Variants in ZNF26 observed in about 807,000 individuals in gnomAD.
ZNF26 encodes zinc finger protein 26.
Under a neutral mutation model 54.9 loss-of-function variants are expected in ZNF26, and 32 were observed. That is an observed-to-expected ratio of 0.58 (90% confidence interval 0.44 to 0.78). The LOEUF (loss-of-function observed/expected upper bound fraction) is 0.78, where lower values mean the gene tolerates loss of function less well. Ranked by LOEUF, ZNF26 falls within the 30% of genes least tolerant of loss-of-function variation. ZNF26 has a pLI of 0.00. For missense variants in ZNF26, 524 were observed against 634.0 expected (o/e 0.83, Z 1.86); for synonymous variants, 221 against 209.2 (o/e 1.06, Z -0.49).
In ZNF26 at chr12:133,016,757, G is replaced by C. The variant is rs1275932620; in HGVS notation, c.*5276G>C. On this transcript the variant is annotated 3_prime_UTR_variant, in exon 4 of 4. Transcript: ENST00000328654. ...ATTTGTACCACTGCACTCCAGCCTG[G>C]GTGACAGAGCAAGACCTTGACTCAA... The C allele has an allele frequency of 6.6e-6, 1 of 152,312 alleles. No individual in the cohort carries two copies. Among genetic ancestry groups the C allele is most frequent in the Non-Finnish European group, 1.5e-5 (1 of 68,632 alleles). The allele number at this position is 152,312 out of a possible 1,614,324, so 9.4% of individuals were successfully genotyped here.
chr12:133,001,042 A>T lies in ZNF26; in HGVS notation c.34-6000A>T, dbSNP rs1483189620. On this transcript the variant is annotated intron_variant, in intron 1 of 3. Coordinates refer to ENST00000328654, the MANE Select transcript of ZNF26 (RefSeq NM_019591.4). This position sits in a 1 kb window ranked among gnomAD's most constrained non-coding sequence, Gnocchi z 4.7. Reference sequence around the variant, plus strand: ...GTTTCGTCTTCTGCTGTCGACCTCCAGCTTCTAATATGGTCACATCGAAGT... The same window carrying T: ...GTTTCGTCTTCTGCTGTCGACCTCCTGCTTCTAATATGGTCACATCGAAGT... Among the ~76,000 whole-genome samples the T allele has an allele frequency of 1.6e-4, 25 of 152,020 alleles. No individual in the cohort carries two copies. The highest frequency in any genetic ancestry group is 1.6e-3 in the Admixed American group (25 of 15,254).
chr12:133,016,780 CA>C lies in ZNF26; in HGVS notation c.*5314del, dbSNP rs1169141231. 469 of 127,592 alleles carry C rather than the reference CA, an allele frequency of 3.7e-3. 1 individual carries two copies. Among genetic ancestry groups the C allele is most frequent in the Middle Eastern group, 7.8e-3 (2 of 256 alleles). The allele number at this position is 127,592 out of a possible 1,614,324, so 7.9% of individuals were successfully genotyped here. On this transcript the variant is annotated 3_prime_UTR_variant, in exon 4 of 4. Transcript: ENST00000328654. ...TGGGTGACAGAGCAAGACCTTGACT[CA>C]AAAAAAAAAAAAAATTCTACTCTCT...
Position 133,011,577 on chromosome 12 carries a change from T to C in ZNF26, c.*96T>C, listed in dbSNP as rs1023580748. The C allele has an allele frequency of 2.2e-5, 29 of 1,313,708 alleles. No individual in the cohort carries two copies. Among genetic ancestry groups the C allele is most frequent in the Admixed American group, 2.9e-5 (1 of 35,064 alleles). The allele number at this position is 1,313,708 out of a possible 1,614,324, so 81.4% of individuals were successfully genotyped here. ...GCAGGAGGCCCTAAAATTACACTCA[T>C]GTCAAAAATCAGAGAGGAGAGAGAC... is the stretch of plus-strand genomic sequence containing the variant. On this transcript the variant is annotated 3_prime_UTR_variant, in exon 4 of 4. Transcript: ENST00000328654.
rs1953527624 is a variant in ZNF26, at chr12:133,013,852, AG to A, written c.*2372del. On this transcript the variant is annotated 3_prime_UTR_variant, in exon 4 of 4. Coordinates refer to ENST00000328654, the MANE Select transcript of ZNF26 (RefSeq NM_019591.4). ...GATGCTTCATTTAAGGCTATAGAGT[AG>A]ATGTTGGCAATATATAAAATTCAAA... 2 of 153,226 alleles carry A rather than the reference AG, an allele frequency of 1.3e-5. No homozygotes were observed. Among genetic ancestry groups the A allele is most frequent in the African/African-American group, 4.8e-5 (2 of 41,598 alleles). The allele number at this position is 153,226 out of a possible 1,614,324, so 9.5% of individuals were successfully genotyped here.
rs1953528743 is a variant in ZNF26 at position 133,014,034 on chromosome 12, A to T, written c.*2553A>T. On this transcript the variant is annotated 3_prime_UTR_variant, in exon 4 of 4. Coordinates refer to ENST00000328654, the MANE Select transcript of ZNF26 (RefSeq NM_019591.4). ...TAGAACCCCTTCCCTTTTCTGGGAA[A>T]ATGTGGAATTTGCCTTGCAGGAGGA... The T allele has an allele frequency of 6.6e-6, 1 of 152,208 alleles. No individual in the cohort carries two copies. The highest frequency in any genetic ancestry group is 2.4e-5 in the African/African-American group (1 of 41,454). 9.4% of individuals were successfully genotyped at this position (152,208 alleles called of 1,614,324 possible).
chr12:132,987,627 C>T (rs1365065779), intron 1 of ZNF26: 15 of 872,724 alleles, frequency 1.7e-5, no homozygotes, highest in Non-Finnish European at 2.1e-5. Context: ...CTGGGAATGA[C>T]TTTCGCAGGT....
chr12:132,990,438 T>G (rs908764620), intron 1 of ZNF26, among the ~76,000 whole-genome samples: 1 of 152,342 alleles, frequency 6.6e-6, no homozygotes, highest in Non-Finnish European at 1.5e-5. Flanking sequence ...TATACATTGT[T>G]GTATTTTATT....
intron 1 of ZNF26, chr12:133,006,840 G>A (rs1953341385): frequency 2.6e-5 from 15 of 572,456 alleles, no homozygotes; most frequent in East Asian, 3.1e-5. Context: ...TGATCCACCC[G>A]CCTTGGCCTC....
At chr12:133,006,752 G>A (rs954881518) in intron 1 of ZNF26, 6 of 277,960 alleles carry the variant, frequency 2.2e-5, no homozygotes, top group Admixed American at 9.4e-5. Flanking sequence ...CTGCCACTGC[G>A]CCCAGCTAAT....
Position 133,010,511 on chromosome 12 carries a change from T to G in ZNF26, c.632T>G (p.Phe211Cys). The change falls in exon 4 of 4, where the codon TTC becomes TGC. Residue 211 changes from phenylalanine (F) to cysteine (C), a missense_variant. Physicochemically the swap from Phe to Cys is radical, Grantham distance 205. Coordinates refer to ENST00000328654, the MANE Select transcript of ZNF26 (RefSeq NM_019591.4). ...GAATGCAGTAAATGTGAAAGAGCCT[T>G]CAGTGCCAAGTCAAACCTTAATGCT... ...PYECSKCERA[F>C]SAKSNLNAHQ... The G allele has an allele frequency of 6.2e-7, 1 of 1,614,024 alleles. No individual in the cohort carries two copies. Among genetic ancestry groups the G allele is most frequent in the Non-Finnish European group, 8.5e-7 (1 of 1,180,002 alleles).
In ZNF26 at chr12:132,986,459, T is replaced by A; in HGVS notation, c.-382T>A. ...TGGCCAGCGGGTGTACCTGGCTGAG[T>A]CTCTGTGGCCGCGGAGGCGCGGAGC... is the stretch of plus-strand genomic sequence containing the variant. On this transcript the variant is annotated 5_prime_UTR_variant, in exon 1 of 4. Transcript: ENST00000328654. 4.2e-6 allele frequency: 1 copy of A among 239,696 alleles called. No homozygotes were observed. Among genetic ancestry groups the A allele is most frequent in the Non-Finnish European group, 8.2e-6 (1 of 121,758 alleles). 14.8% of individuals were successfully genotyped at this position (239,696 alleles called of 1,614,324 possible). A position where few individuals can be genotyped will look rare whatever the true frequency, so the allele number is the denominator to read the frequency against.
chr12:132,990,198 G>T (rs921542874), intron 1 of ZNF26, among the ~76,000 whole-genome samples: 23 of 152,216 alleles, frequency 1.5e-4, no homozygotes, highest in African/African-American at 5.1e-4. Flanking sequence ...TGAAGTGGAA[G>T]GATTGCTTGA....
chr12:132,993,693 T>C (rs1483567660), intron 1 of ZNF26, among the ~76,000 whole-genome samples: 1 of 152,028 alleles, frequency 6.6e-6, no homozygotes, highest in Non-Finnish European at 1.5e-5. Context: ...TGACCTCAGG[T>C]GATCTACCCC....
At chr12:133,008,731 G>C (rs897693608) in intron 3 of ZNF26, among the ~76,000 whole-genome samples, 3 of 146,856 alleles carry the variant, frequency 2.0e-5, no homozygotes, top group African/African-American at 5.1e-5. Context: ...AGCCGAGATC[G>C]TGCCACTGCA....
chr12:133,005,635 C>A (rs1350576340), intron 1 of ZNF26: 8 of 152,076 alleles, frequency 5.3e-5, no homozygotes, highest in Non-Finnish European at 1.0e-4. Context: ...GGAGGTGGGA[C>A]CTTTGGGAGG....
chr12:133,000,453 C>T (rs1953188793), intron 1 of ZNF26, among the ~76,000 whole-genome samples: 1 of 122,104 alleles, frequency 8.2e-6, no homozygotes, highest in African/African-American at 3.2e-5. Flanking sequence ...GAGATGGAAT[C>T]TCGCTCTGTC....
chr12:133,010,299 T>C lies in ZNF26; in HGVS notation c.420T>C (p.Ala140=). 2 of 1,613,896 alleles carry C rather than the reference T, an allele frequency of 1.2e-6. No individual in the cohort carries two copies. The highest frequency in any genetic ancestry group is 2.2e-5 in the South Asian group (2 of 91,062). The change falls in exon 4 of 4, where the codon GCT becomes GCC. Residue 140 remains alanine (A), a synonymous_variant. Transcript: ENST00000328654. Reference sequence around the variant, plus strand: ...GAAAAAGTTTGACACAAAACTCAGCTCCAAGCAGAAGTTATTTAAGAAAGA... The same window carrying C: ...GAAAAAGTTTGACACAAAACTCAGCCCCAAGCAGAAGTTATTTAAGAAAGA... ...TRGKSLTQNS[A]PSRSYLRKNP... is the part of the protein sequence containing the mutation.
At chr12:132,997,907 G>A (rs1238616755) in intron 1 of ZNF26, among the ~76,000 whole-genome samples, 1 of 152,134 alleles carries the variant, frequency 6.6e-6, no homozygotes, top group Non-Finnish European at 1.5e-5. Flanking sequence ...CCTTTTTAGG[G>A]ACTTCTTGTA....
intron 1 of ZNF26, among the ~76,000 whole-genome samples, chr12:132,996,213 G>A (rs1320255197): frequency 2.6e-5 from 4 of 152,156 alleles, no homozygotes; most frequent in African/African-American, 9.7e-5. Flanking sequence ...GCACTCAACA[G>A]ATGTCCCATG....
Sources: gnomAD v4.1 joint callset for allele counts (sites outside exome capture counted in the v4.1 genomes callset) on GRCh38, gnomAD v4.1.1 for gene constraint, Gnocchi (gnomAD v3.1) non-coding constraint, MANE v1.5 for transcripts, NCBI Gene and HGNC (gene_info 2026-07-23, HGNC 2026-07-21) for gene names.